The following SUSD3 variants were observed in gnomAD, a reference collection of about 807,000 sequenced individuals.
The protein encoded by SUSD3 is sushi domain containing 3.
In SUSD3, 18 loss-of-function variants were observed where a neutral mutation model predicts 20.6. That is an observed-to-expected ratio of 0.87 (90% CI 0.60 to 1.30). The LOEUF (loss-of-function observed/expected upper bound fraction) is 1.30, where lower values mean the gene tolerates loss of function less well. Ranked by LOEUF, SUSD3 falls within the 50% of genes most tolerant of loss-of-function variation. The pLI is 0.00. For synonymous variants in SUSD3, 137 were observed against 141.5 expected (o/e 0.97, Z 0.23); for missense variants, 306 against 346.9 (o/e 0.88, Z 0.94).
rs1251700963 is a variant in SUSD3, at chr9:93,079,660, G to T, written c.557+58G>T. 4 of 1,587,022 alleles carry T rather than the reference G, an allele frequency of 2.5e-6. No individual in the cohort carries two copies. The Admixed American group carries it at 6.8e-5, about 27-fold the overall frequency. On this transcript the variant is annotated intron_variant, in intron 4 of 4. Transcript: ENST00000375472. ...GGGACAAGGGGTCCAGCTTGGTCAG[G>T]CCCCGGGCCACCTGCTGCTCCCACA...
At chr9:93,074,841 C>T (rs549410897) in intron 1 of SUSD3, among the ~76,000 whole-genome samples, 5 of 151,988 alleles carry the variant, frequency 3.3e-5, no homozygotes, top group South Asian at 2.1e-4. Context: ...TCTCAATCCC[C>T]GACCTCATGA....
At chr9:93,065,017 C>G (rs772672096) in intron 1 of SUSD3, among the ~76,000 whole-genome samples, 1 of 152,194 alleles carries the variant, frequency 6.6e-6, no homozygotes, top group East Asian at 1.9e-4. Context: ...AGGGATCAGC[C>G]CAGTGCCCAG....
chr9:93,079,695 CCTG>C (rs1308891110), intron 4 of SUSD3, 93 bp downstream of exon 4: 1 of 1,411,120 alleles, frequency 7.1e-7, no homozygotes, highest in African/African-American at 1.4e-5. Context: ...ACGCTGAGAG[CCTG>C]CTGCTCCCAC....
At position 93,084,819 on chromosome 9, in the gene SUSD3, A is replaced by G. The variant is rs1466785672; in HGVS notation, c.*72A>G. ...TGACCCCACCAGCCAGTCAGCTACA[A>G]CTCCACATCAACTCCACATGCGCCC... On this transcript the variant is annotated 3_prime_UTR_variant, in exon 5 of 5. Coordinates refer to ENST00000375472, the MANE Select transcript of SUSD3 (RefSeq NM_145006.4). 7.6e-7 allele frequency: 1 copy of G among 1,309,618 alleles called. No homozygotes were observed. Among genetic ancestry groups the G allele is most frequent in the Non-Finnish European group, 1.0e-6 (1 of 984,552 alleles). The allele number at this position is 1,309,618 out of a possible 1,614,324, so 81.1% of individuals were successfully genotyped here. A position where few individuals can be genotyped will look rare whatever the true frequency, so the allele number is the denominator to read the frequency against.
At chr9:93,074,664 G>A (rs982278530) in intron 1 of SUSD3, among the ~76,000 whole-genome samples, 2 of 137,760 alleles carry the variant, frequency 1.5e-5, no homozygotes, top group Admixed American at 1.6e-4. Flanking sequence ...TCTGTTGCCA[G>A]GCTGGAGTGC....
At chr9:93,064,796 G>T (rs1252916350) in intron 1 of SUSD3, among the ~76,000 whole-genome samples, 1 of 152,212 alleles carries the variant, frequency 6.6e-6, no homozygotes, top group Non-Finnish European at 1.5e-5. Flanking sequence ...CCTGCCTGTT[G>T]TGGTATTTGT....
At chr9:93,076,046 G>C in intron 2 of SUSD3, 74 bp downstream of exon 2, 1 of 1,351,250 alleles carries the variant, frequency 7.4e-7, no homozygotes, top group Admixed American at 2.1e-5. Flanking sequence ...GGGATGGTGT[G>C]GGTGGGGATG....
chr9:93,062,591 G>T (rs1047464200), intron 1 of SUSD3, among the ~76,000 whole-genome samples: 2 of 152,174 alleles, frequency 1.3e-5, no homozygotes, highest in African/African-American at 4.8e-5. Context: ...GCACAGGAGG[G>T]CCATCTGCAG....
At chr9:93,068,632 G>C (rs1825805424) in intron 1 of SUSD3, among the ~76,000 whole-genome samples, 1 of 152,194 alleles carries the variant, frequency 6.6e-6, no homozygotes, top group Non-Finnish European at 1.5e-5. Context: ...TTTTTCAAGA[G>C]TGTTTTGGCT....
intron 1 of SUSD3, among the ~76,000 whole-genome samples, chr9:93,062,068 G>T (rs1322883016): frequency 6.6e-6 from 1 of 152,222 alleles, no homozygotes; most frequent in Non-Finnish European, 1.5e-5. Context: ...TCAGACGCCC[G>T]GCTGGCCTCA....
chr9:93,075,100 C>G (rs748643787), intron 1 of SUSD3, among the ~76,000 whole-genome samples: 2 of 152,174 alleles, frequency 1.3e-5, no homozygotes, highest in Non-Finnish European at 2.9e-5. Context: ...TGAGCTCTCC[C>G]TTGAATCAAC....
chr9:93,072,679 C>T (rs1825957779), intron 1 of SUSD3, among the ~76,000 whole-genome samples: 1 of 152,156 alleles, frequency 6.6e-6, no homozygotes. Flanking sequence ...GGCACACAGC[C>T]AGCCCACGTG....
At chr9:93,065,439 C>G (rs916473049) in intron 1 of SUSD3, among the ~76,000 whole-genome samples, 2 of 152,254 alleles carry the variant, frequency 1.3e-5, no homozygotes, top group Non-Finnish European at 2.9e-5. Context: ...CCTCGCCAAC[C>G]TCTCCTCCCA....
chr9:93,071,014 GC>G (rs1227095538), intron 1 of SUSD3, among the ~76,000 whole-genome samples: 1 of 152,176 alleles, frequency 6.6e-6, no homozygotes, highest in East Asian at 1.9e-4. Flanking sequence ...TCAGATTTGA[GC>G]CAGTCCACTT....
intron 1 of SUSD3, among the ~76,000 whole-genome samples, chr9:93,068,646 C>G (rs1182899792): frequency 6.6e-6 from 1 of 152,150 alleles, no homozygotes; most frequent in Non-Finnish European, 1.5e-5. Context: ...TTTGGCTATT[C>G]TAGGTCTTTT....
At chr9:93,066,348 C>G (rs1476946862) in intron 1 of SUSD3, among the ~76,000 whole-genome samples, 1 of 152,168 alleles carries the variant, frequency 6.6e-6, no homozygotes, top group Non-Finnish European at 1.5e-5. Flanking sequence ...ATTCTTCTGT[C>G]TCAGCCTCTT....
chr9:93,078,417 C>A (rs750567588), intron 3 of SUSD3, among the ~76,000 whole-genome samples: 1 of 152,158 alleles, frequency 6.6e-6, no homozygotes, highest in Non-Finnish European at 1.5e-5. Flanking sequence ...TACCACCACA[C>A]TCGGCTAATT....
rs1333924588 is a variant in SUSD3, at chr9:93,079,486, G to T, written c.441G>T (p.Trp147Cys). 1.2e-6 allele frequency: 2 copies of T among 1,614,028 alleles called. No homozygotes were observed. Among genetic ancestry groups the T allele is most frequent in the Non-Finnish European group, 1.7e-6 (2 of 1,179,960 alleles). ...TCTCCTCCAGGTCAGCCCAGCTGTG[G>T]TCCCAGCTGAAAGATGAGGACTTGG... ...RRRSNRSAQLWSQLKDEDLET... is the reference protein window; with the variant it reads ...RRRSNRSAQLCSQLKDEDLET... Residue 147 changes from tryptophan to cysteine, a missense_variant, in exon 4 of 5, where the codon TGG becomes TGT. Transcript: ENST00000375472.
intron 1 of SUSD3, among the ~76,000 whole-genome samples, chr9:93,069,409 A>G (rs1229732715): frequency 6.6e-6 from 1 of 152,238 alleles, no homozygotes; most frequent in East Asian, 1.9e-4. Context: ...AGGACGGACT[A>G]CCATAATATG....
Sources: gnomAD v4.1 joint callset for allele counts (sites outside exome capture counted in the v4.1 genomes callset) on GRCh38, gnomAD v4.1.1 for gene constraint, MANE v1.5 for transcripts, NCBI Gene and HGNC (gene_info 2026-07-23, HGNC 2026-07-21) for gene names.